SLC26A8: variants seen among roughly 807,000 people sequenced by gnomAD.
The protein encoded by SLC26A8 is testis anion transporter 1.
In SLC26A8, 70 loss-of-function variants were observed where a neutral mutation model predicts 105.0. The ratio of observed to expected loss-of-function variants is 0.67; its 90% CI spans 0.55 to 0.81. The LOEUF is 0.81. Among genes scored for constraint, SLC26A8 ranks in the 40% least tolerant of loss-of-function variants. The pLI, the probability that SLC26A8 is intolerant of heterozygous loss-of-function variation, is 0.00. For synonymous variants in SLC26A8, 415 were observed against 438.3 expected (o/e 0.95, Z 0.66); for missense variants, 998 against 1,181.8 (o/e 0.84, Z 2.28).
chr6:36,007,922 C>A (rs1219539558), intron 3 of SLC26A8, among the ~76,000 whole-genome samples: 2 of 151,650 alleles, frequency 1.3e-5, no homozygotes, highest in Non-Finnish European at 2.9e-5. Flanking sequence ...AAATCGAGAC[C>A]GTCCTGGCTA....
rs760749767 is a variant in SLC26A8 at position 36,024,605 on chromosome 6, C to T, written c.-104G>A. ...GCGGATACCGGCGGCGGTTCCCGAG[C>T]CGTTGTGGCCTAGCCCGCGGGCGTT... On this transcript the variant is annotated 5_prime_UTR_variant, in exon 1 of 20. Transcript: ENST00000490799. 25 of 370,314 alleles carry T rather than the reference C, an allele frequency of 6.8e-5. No homozygotes were observed. The highest frequency in any genetic ancestry group is 3.2e-4 in the Admixed American group (9 of 28,160). The allele number at this position is 370,314 out of a possible 1,614,324, so 22.9% of individuals were successfully genotyped here. A position where few individuals can be genotyped will look rare whatever the true frequency, so the allele number is the denominator to read the frequency against.
rs78733662 is a variant in SLC26A8, at chr6:36,019,254, G to A, written c.188+266C>T. Among the ~76,000 whole-genome samples the A allele has an allele frequency of 3.1e-3, 467 of 152,184 alleles. 2 individuals carry two copies. The highest frequency in any genetic ancestry group is 5.6e-3 in the Non-Finnish European group (378 of 68,006). On this transcript the variant is annotated intron_variant, in intron 2 of 19. Coordinates refer to ENST00000490799, the MANE Select transcript of SLC26A8 (RefSeq NM_052961.4). ...TATCTTATTTTTGGTCGGGAGTCTG[G>A]TAGTCATGGTTGATTGAACAATGGA...
At chr6:35,978,844 C>CTTTTTT in intron 8 of SLC26A8, among the ~76,000 whole-genome samples, 1 of 140,836 alleles carries the variant, frequency 7.1e-6, no homozygotes, top group Non-Finnish European at 1.5e-5. Flanking sequence ...TCTTCTTCTT[C>CTTTTTT]TTTTTTTTTT....
chr6:35,969,001 G>T, intron 10 of SLC26A8, 47 bp from the exon 11 acceptor site: 2 of 1,552,980 alleles, frequency 1.3e-6, no homozygotes, highest in Non-Finnish European at 1.8e-6. Context: ...GAACGTATTG[G>T]TCCCTGTCTG....
rs1216181616 is a variant in SLC26A8 at position 35,951,509 on chromosome 6, G to C, written c.2233-10C>G. On this transcript the variant is annotated splice_polypyrimidine_tract_variant and intron_variant, in intron 17 of 19. Coordinates refer to ENST00000490799, the MANE Select transcript of SLC26A8 (RefSeq NM_052961.4). ...GAAAGGCATTGCATATCTGTGGGGG[G>C]AGAGAAAACCAGTATCAGAAGGCTT... 6.2e-7 allele frequency: 1 copy of C among 1,614,062 alleles called. No homozygotes were observed. Among genetic ancestry groups the C allele is most frequent in the Admixed American group, 1.7e-5 (1 of 60,008 alleles).
At chr6:35,962,474 T>C (rs1301317813) in intron 12 of SLC26A8, 52 bp downstream of exon 12, 1 of 1,456,412 alleles carries the variant, frequency 6.9e-7, no homozygotes, top group East Asian at 2.3e-5. Flanking sequence ...TTTCTCCCTC[T>C]CTCCAACCTC....
intron 2 of SLC26A8, among the ~76,000 whole-genome samples, chr6:36,012,842 G>A (rs922197745): frequency 6.6e-6 from 1 of 152,198 alleles, no homozygotes; most frequent in Non-Finnish European, 1.5e-5. Flanking sequence ...GACAAGGACA[G>A]TGTTTTGAGG....
At chr6:35,975,984 T>A (rs865809719) in intron 9 of SLC26A8, among the ~76,000 whole-genome samples, 26 of 150,638 alleles carry the variant, frequency 1.7e-4, no homozygotes, top group Admixed American at 6.6e-4. Flanking sequence ...AACCAAATCA[T>A]CATTTTAGCT....
At chr6:35,986,254 G>A (rs904593226) in intron 7 of SLC26A8, among the ~76,000 whole-genome samples, 8 of 151,852 alleles carry the variant, frequency 5.3e-5, no homozygotes, top group Non-Finnish European at 4.4e-5. Flanking sequence ...GGCTGGTATC[G>A]AACTCCTGAC....
intron 8 of SLC26A8, among the ~76,000 whole-genome samples, chr6:35,980,478 A>G (rs1163701100): frequency 2.0e-5 from 3 of 152,220 alleles, no homozygotes; most frequent in Non-Finnish European, 2.9e-5. Flanking sequence ...TCAAAGCATT[A>G]CTGTGGGGAG....
chr6:36,017,022 A>G (rs1045806567), intron 2 of SLC26A8, among the ~76,000 whole-genome samples: 2 of 152,062 alleles, frequency 1.3e-5, no homozygotes, highest in African/African-American at 4.8e-5. Flanking sequence ...AAATGCAAAA[A>G]TTAGCTGGGT....
chr6:35,995,876 T>A (rs969638313), intron 5 of SLC26A8, among the ~76,000 whole-genome samples: 1 of 152,152 alleles, frequency 6.6e-6, no homozygotes, highest in Non-Finnish European at 1.5e-5. Flanking sequence ...ATGAGGCCCC[T>A]TGATAATTAA....
chr6:35,962,200 T>C (rs1017074857), intron 12 of SLC26A8, among the ~76,000 whole-genome samples: 2 of 147,362 alleles, frequency 1.4e-5, no homozygotes, highest in Non-Finnish European at 3.0e-5. Flanking sequence ...CACTCCAGCC[T>C]GGGCAACAGA....
intron 8 of SLC26A8, among the ~76,000 whole-genome samples, chr6:35,978,505 C>T (rs1482603489): frequency 2.6e-5 from 4 of 152,010 alleles, no homozygotes; most frequent in African/African-American, 4.8e-5. Flanking sequence ...CTATTTGAAA[C>T]GCTTATTCAT....
At chr6:35,977,431 C>T (rs780740833) in intron 8 of SLC26A8, 80 bp from the exon 9 acceptor site, 2 of 1,308,884 alleles carry the variant, frequency 1.5e-6, no homozygotes, top group Admixed American at 2.4e-5. Context: ...TAACACTGGG[C>T]TGTCCTGATT....
At chr6:35,979,852 A>G (rs1384766927) in intron 8 of SLC26A8, among the ~76,000 whole-genome samples, 1 of 152,256 alleles carries the variant, frequency 6.6e-6, no homozygotes, top group African/African-American at 2.4e-5. Context: ...CTGGATAAAT[A>G]CATAATAAAA....
intron 2 of SLC26A8, among the ~76,000 whole-genome samples, chr6:36,015,995 T>G (rs1172546342): frequency 7.0e-6 from 1 of 142,942 alleles, no homozygotes; most frequent in Non-Finnish European, 1.5e-5. Context: ...GGATTCTTTG[T>G]TTTTTTTTTT....
In SLC26A8 at chr6:35,962,442, G is replaced by A. The variant is rs778176241; in HGVS notation, c.1461+84C>T. 3.4e-5 allele frequency: 38 copies of A among 1,116,144 alleles called. No homozygotes were observed. In the Middle Eastern group the frequency reaches 2.3e-3, roughly 67 times the overall value. The allele number at this position is 1,116,144 out of a possible 1,614,324, so 69.1% of individuals were successfully genotyped here. A position where few individuals can be genotyped will look rare whatever the true frequency, so the allele number is the denominator to read the frequency against. ...AGTTGTTTGTGTTCTTTAGGTCCAT[G>A]GCAGATCTCTTTTGTTTGTTCTTTC... On this transcript the variant is annotated intron_variant, in intron 12 of 19. Coordinates refer to ENST00000490799, the MANE Select transcript of SLC26A8 (RefSeq NM_052961.4).
chr6:35,971,972 G>T (rs1043607396), intron 10 of SLC26A8, among the ~76,000 whole-genome samples: 1 of 152,176 alleles, frequency 6.6e-6, no homozygotes, highest in Non-Finnish European at 1.5e-5. Flanking sequence ...GCCTACTAGG[G>T]CTCATCACAT....
Sources: gnomAD v4.1 joint callset for allele counts (sites outside exome capture counted in the v4.1 genomes callset) on GRCh38, gnomAD v4.1.1 for gene constraint, MANE v1.5 for transcripts, NCBI Gene and HGNC (gene_info 2026-07-23, HGNC 2026-07-21) for gene names.